PALMD: variants seen among roughly 807,000 people sequenced by gnomAD.
PALMD encodes the protein paralemmin-like protein.
In PALMD, 42 loss-of-function variants were observed where a neutral mutation model predicts 56.2. The observed-to-expected ratio is 0.75, with a 90% confidence interval of 0.58 to 0.97. PALMD has a LOEUF of 0.97. Ranked by LOEUF, PALMD falls within the 50% of genes least tolerant of loss-of-function variation. PALMD has a pLI of 0.00. For missense variants in PALMD, 660 were observed against 643.8 expected (o/e 1.03, Z -0.27); for synonymous variants, 242 against 222.9 (o/e 1.09, Z -0.76).
intron 6 of PALMD, 148 bp from the exon 7 acceptor site, chr1:99,688,627 G>A (rs1160138031): frequency 7.1e-6 from 4 of 567,346 alleles, no homozygotes; most frequent in Admixed American, 3.4e-5. Flanking sequence ...TATCATTAAT[G>A]AGTAAAATCA....
chr1:99,666,192 T>C (rs12092970), intron 2 of PALMD, among the ~76,000 whole-genome samples: 1,589 of 152,230 alleles, frequency 0.01, 29 homozygotes, highest in African/African-American at 0.036. Flanking sequence ...TTCCAAACTA[T>C]AGTTCCATAT....
At position 99,689,504 on chromosome 1, in the gene PALMD, T is replaced by C; in HGVS notation, c.1244T>C (p.Met415Thr). 2 of 1,613,748 alleles carry C rather than the reference T, an allele frequency of 1.2e-6. No individual in the cohort carries two copies. Among genetic ancestry groups the C allele is most frequent in the Non-Finnish European group, 8.5e-7 (1 of 1,179,864 alleles). ...ATAAATGATACAGAACCGGTGACAA[T>C]GATTTTCATGGGGTATCAGCAGGCA... The part of the protein sequence containing the change: ...PDINDTEPVT[M>T]IFMGYQQAED... Residue 415 changes from methionine to threonine, a missense_variant, in exon 7 of 8, where the codon ATG becomes ACG. Physicochemically the swap from Met to Thr is moderately conservative, Grantham distance 81. Transcript: ENST00000263174.
At chr1:99,690,590 T>C (rs1653633627) in intron 7 of PALMD, among the ~76,000 whole-genome samples, 2 of 152,280 alleles carry the variant, frequency 1.3e-5, no homozygotes, top group South Asian at 2.1e-4. Flanking sequence ...ACACTTTTTT[T>C]CTACAAAAGT....
Sources: gnomAD v4.1 joint callset for allele counts (sites outside exome capture counted in the v4.1 genomes callset) on GRCh38, gnomAD v4.1.1 for gene constraint, MANE v1.5 for transcripts, NCBI Gene and HGNC (gene_info 2026-07-23, HGNC 2026-07-21) for gene names.